Variants in TLN2 observed in about 807,000 individuals in gnomAD.
TLN2 encodes talin 2.
TLN2 carries 118 observed loss-of-function variants against 294.7 expected under a neutral mutation model. That is an observed-to-expected ratio of 0.40 (90% CI 0.34 to 0.47). The LOEUF is 0.47. Ranked by LOEUF, TLN2 falls within the 20% of genes least tolerant of loss-of-function variation. TLN2 has a pLI of 0.84. For missense variants in TLN2, 3,083 were observed against 3,282.2 expected, an observed-to-expected ratio of 0.94 and a Z score of 1.48; for synonymous variants, 1,431 against 1,304.5, an observed-to-expected ratio of 1.10 and a Z score of -2.09.
At chr15:62,513,604 C>T (rs898597878) in intron 1 of TLN2, among the ~76,000 whole-genome samples, 6 of 152,146 alleles carry the variant, frequency 3.9e-5, no homozygotes, top group African/African-American at 1.4e-4. Context: ...CTCCAGTTAC[C>T]CATTTGTGAA....
intron 2 of TLN2, among the ~76,000 whole-genome samples, chr15:62,597,122 C>A (rs942356893): frequency 2.1e-4 from 32 of 152,290 alleles, no homozygotes; most frequent in African/African-American, 6.3e-4. Context: ...TCAGATGACA[C>A]AGGCAGCCAG....
intron 28 of TLN2, among the ~76,000 whole-genome samples, chr15:62,735,398 C>T (rs2060957277): frequency 6.6e-6 from 1 of 152,194 alleles, no homozygotes; most frequent in African/African-American, 2.4e-5. Context: ...CACCAAATCC[C>T]ATCATCTGTT....
At chr15:62,794,348 G>A (rs1308723740) in intron 46 of TLN2, among the ~76,000 whole-genome samples, 1 of 152,166 alleles carries the variant, frequency 6.6e-6, no homozygotes, top group African/African-American at 2.4e-5. Context: ...GGTGTGTATA[G>A]TGTACCCACA....
intron 1 of TLN2, among the ~76,000 whole-genome samples, chr15:62,491,882 C>G (rs1491003207): frequency 1.3e-5 from 2 of 152,016 alleles, no homozygotes; most frequent in Non-Finnish European, 2.9e-5. Flanking sequence ...TGGTCTTGTT[C>G]AGGAATTTAC....
intron 43 of TLN2, 63 bp from the exon 44 acceptor site, chr15:62,781,077 A>G: frequency 1.6e-6 from 2 of 1,279,970 alleles, no homozygotes; most frequent in Non-Finnish European, 2.3e-6. Flanking sequence ...TAATTCTCGT[A>G]AATACAGTCT....
chr15:62,724,831 G>GA (rs2060349712), intron 26 of TLN2, 145 bp from the exon 27 acceptor site: 9 of 1,086,474 alleles, frequency 8.3e-6, no homozygotes, highest in South Asian at 2.1e-5. Context: ...TGTTCTCTCA[G>GA]AAAAAATACT....
chr15:62,617,380 G>C (rs989910325), intron 2 of TLN2, among the ~76,000 whole-genome samples: 1 of 152,162 alleles, frequency 6.6e-6, no homozygotes, highest in African/African-American at 2.4e-5. Flanking sequence ...ATCACTTTCT[G>C]GTTTTGGCAT....
chr15:62,754,936 G>A (rs926696927), intron 36 of TLN2: 1 of 152,328 alleles, frequency 6.6e-6, no homozygotes, highest in East Asian at 1.9e-4. Context: ...GGGCTCTACA[G>A]TATGGTGGCC....
At chr15:62,649,940 T>G (rs2140940340) in intron 4 of TLN2, 144 bp from the exon 5 acceptor site, 1 of 744,946 alleles carries the variant, frequency 1.3e-6, no homozygotes, top group Non-Finnish European at 2.3e-6. Context: ...CCCTGATGGC[T>G]GCTTGTGTTG....
At chr15:62,679,835 T>A (rs1220084854) in intron 11 of TLN2, among the ~76,000 whole-genome samples, 5 of 152,230 alleles carry the variant, frequency 3.3e-5, no homozygotes, top group Admixed American at 2.6e-4. Flanking sequence ...GCATTACATG[T>A]ACTTGTGTGT....
At chr15:62,610,758 G>GC (rs2140820881) in intron 2 of TLN2, among the ~76,000 whole-genome samples, 1 of 152,322 alleles carries the variant, frequency 6.6e-6, no homozygotes, top group South Asian at 2.1e-4. Flanking sequence ...CTGCAAACGT[G>GC]CCAGGAGTAT....
At chr15:62,489,902 T>C (rs985453808) in intron 1 of TLN2, among the ~76,000 whole-genome samples, 2 of 152,232 alleles carry the variant, frequency 1.3e-5, no homozygotes, top group Non-Finnish European at 2.9e-5. Context: ...TCCTCAGCCC[T>C]GGCAAACCTT....
chr15:62,670,560 T>C (rs188532978), intron 9 of TLN2, among the ~76,000 whole-genome samples: 3 of 152,344 alleles, frequency 2.0e-5, no homozygotes, highest in Admixed American at 6.5e-5. Flanking sequence ...TCTCTCTTTT[T>C]TTCTTATTAG....
intron 1 of TLN2, among the ~76,000 whole-genome samples, chr15:62,539,680 A>C (rs898675691): frequency 2.0e-5 from 3 of 152,172 alleles, no homozygotes; most frequent in Non-Finnish European, 4.4e-5. Context: ...CGAGGGGCTC[A>C]TTATCTCAGG....
chr15:62,431,298 A>G (rs1211472670), intron 1 of TLN2, among the ~76,000 whole-genome samples: 1 of 152,220 alleles, frequency 6.6e-6, no homozygotes, highest in African/African-American at 2.4e-5. Context: ...GAACATTAAA[A>G]AAAGACCTAG....
chr15:62,700,324 C>T (rs1294525399), intron 16 of TLN2, among the ~76,000 whole-genome samples: 4 of 152,198 alleles, frequency 2.6e-5, no homozygotes, highest in South Asian at 4.1e-4. Context: ...GAGCACCTTA[C>T]TGCAGGGTCA....
rs776572724 is a variant in TLN2, at chr15:62,702,058, C to T, written c.1763C>T (p.Thr588Met). The T allele has an allele frequency of 2.6e-5, 42 of 1,614,096 alleles. No individual in the cohort carries two copies. The Middle Eastern group carries it at 4.9e-4, about 19-fold the overall frequency. Residue 588 changes from threonine (T) to methionine (M), a missense_variant, in exon 18 of 59, where the codon ACG (threonine) becomes ATG (methionine). Coordinates refer to ENST00000636159, the MANE Select transcript of TLN2 (RefSeq NM_015059.3). Reference protein sequence around the residue: ...CAITTISSNLTEMSKGVKLLA... With the variant: ...CAITTISSNLMEMSKGVKLLA... ...ATCACCACTATTTCTTCCAACCTGA[C>T]GGAGATGTCCAAGGGTGTGAAGCTA... is the stretch of plus-strand genomic sequence containing the variant.
At chr15:62,595,686 TAAAGAA>T (rs1400018789) in intron 2 of TLN2, among the ~76,000 whole-genome samples, 1 of 152,104 alleles carries the variant, frequency 6.6e-6, no homozygotes, top group Non-Finnish European at 1.5e-5. Flanking sequence ...GATGAATAGA[TAAAGAA>T]AATGTGGTAT....
At chr15:62,654,810 A>G (rs1038310244) in intron 7 of TLN2, among the ~76,000 whole-genome samples, 1 of 147,002 alleles carries the variant, frequency 6.8e-6, no homozygotes, top group Non-Finnish European at 1.5e-5. Context: ...CTGGAAAGTC[A>G]TTTTCTACAG....
Sources: allele counts gnomAD v4.1 joint callset (sites outside exome capture counted in the v4.1 genomes callset), GRCh38; gene constraint gnomAD v4.1.1; transcripts MANE v1.5; gene names NCBI Gene and HGNC (gene_info 2026-07-23, HGNC 2026-07-21).